Variants in RAD9B observed in about 807,000 individuals in gnomAD.
RAD9B encodes the protein cell cycle checkpoint control protein RAD9B.
In RAD9B, 41 loss-of-function variants were observed where a neutral mutation model predicts 48.3. The observed-to-expected ratio is 0.85, with a 90% CI of 0.66 to 1.10. The LOEUF (loss-of-function observed/expected upper bound fraction) is 1.10. Among genes scored for constraint, RAD9B ranks in the 50% least tolerant of loss-of-function variants. The pLI is 0.00. For missense variants in RAD9B, 444 were observed against 485.1 expected, an observed-to-expected ratio of 0.92 and a Z score of 0.80; for synonymous variants, 160 against 157.9, an observed-to-expected ratio of 1.01 and a Z score of -0.10.
At chr12:110,526,890 C>A (rs1388922776) in intron 10 of RAD9B, among the ~76,000 whole-genome samples, 1 of 141,156 alleles carries the variant, frequency 7.1e-6, no homozygotes, top group African/African-American at 2.7e-5. Flanking sequence ...GCCTAGGCGA[C>A]AGAACGAGAC....
intron 10 of RAD9B, among the ~76,000 whole-genome samples, chr12:110,529,018 G>A (rs895213561): frequency 6.6e-6 from 1 of 151,948 alleles, no homozygotes; most frequent in African/African-American, 2.4e-5. Context: ...GTGAGCTACC[G>A]TGCCGGGCCT....
At chr12:110,502,626 C>T (rs2063117361) in intron 1 of RAD9B, 2 of 517,886 alleles carry the variant, frequency 3.9e-6, no homozygotes, top group Non-Finnish European at 3.5e-6. Context: ...GTTGTACCAT[C>T]GGGCCACAAA....
At chr12:110,502,774 T>C (rs1300392140) in intron 1 of RAD9B, 6 of 168,986 alleles carry the variant, frequency 3.6e-5, no homozygotes, top group Non-Finnish European at 6.4e-5. Context: ...TAAAAATGTA[T>C]GAACTTGGAA....
intron 5 of RAD9B, among the ~76,000 whole-genome samples, chr12:110,514,470 A>G (rs925712005): frequency 1.3e-5 from 2 of 152,238 alleles, no homozygotes; most frequent in Non-Finnish European, 2.9e-5. Flanking sequence ...AACAATTTTC[A>G]ATCTGTGAAT....
intron 5 of RAD9B, among the ~76,000 whole-genome samples, chr12:110,513,869 G>A (rs2063535362): frequency 6.6e-6 from 1 of 151,820 alleles, no homozygotes; most frequent in African/African-American, 2.4e-5. Flanking sequence ...GACTACTAGT[G>A]CAAGCCACCA....
intron 9 of RAD9B, among the ~76,000 whole-genome samples, chr12:110,521,086 A>AGC (rs2063771121): frequency 6.6e-6 from 1 of 152,226 alleles, no homozygotes; most frequent in African/African-American, 2.4e-5. Context: ...ACCCAGAGAT[A>AGC]GCCACTGTAA....
chr12:110,522,395 C>A lies in RAD9B; in HGVS notation c.1109C>A (p.Ser370Tyr), dbSNP rs753692522. ...SVSNTEEVPG[S>Y]LCLRKFSCMF... is the part of the protein sequence containing the mutation. ...AGCAACACAGAGGAAGTGCCAGGGT[C>A]TCTGTGTCTCAGAAAGGTAAAAGCA... The change falls in exon 10 of 11, where the codon TCT (serine) becomes TAT (tyrosine). Residue 370 changes from serine (S) to tyrosine (Y), a missense_variant. By Grantham distance (144) the Ser-to-Tyr change is moderately radical (BLOSUM62 -2). Transcript: ENST00000409300. 6.2e-7 allele frequency: 1 copy of A among 1,608,236 alleles called. No homozygotes were observed. Among genetic ancestry groups the A allele is most frequent in the South Asian group, 1.1e-5 (1 of 89,876 alleles).
intron 6 of RAD9B, among the ~76,000 whole-genome samples, chr12:110,517,751 G>GACACAC (rs34935245): frequency 0.031 from 4,454 of 141,454 alleles, 91 homozygotes; most frequent in South Asian, 0.065. Flanking sequence ...ACAAAACATT[G>GACACAC]ACACACACAC....
chr12:110,531,423 C>T lies in RAD9B; in HGVS notation c.*770C>T, dbSNP rs1289204181. The T allele has an allele frequency of 2.1e-5, 12 of 577,934 alleles. No individual in the cohort carries two copies. In the South Asian group the frequency reaches 2.3e-4, roughly 11 times the overall value. 35.8% of individuals were successfully genotyped at this position (577,934 alleles called of 1,614,324 possible). A position where few individuals can be genotyped will look rare whatever the true frequency, so the allele number is the denominator to read the frequency against. ...GCCAGGGTGGTCTTGAACTCCTGGC[C>T]TCAAGTGATCTGCCCACCTCGGCCT... On this transcript the variant is annotated 3_prime_UTR_variant, in exon 11 of 11. Coordinates refer to ENST00000409300, the MANE Select transcript of RAD9B (RefSeq NM_001286535.2).
rs1003072436 is a variant in RAD9B at position 110,531,755 on chromosome 12, T to G, written c.*1102T>G. 1 of 868,392 alleles carries G rather than the reference T, an allele frequency of 1.2e-6. No homozygotes were observed. 53.8% of individuals were successfully genotyped at this position (868,392 alleles called of 1,614,324 possible). A position where few individuals can be genotyped will look rare whatever the true frequency, so the allele number is the denominator to read the frequency against. On this transcript the variant is annotated 3_prime_UTR_variant, in exon 11 of 11. Coordinates refer to ENST00000409300, the MANE Select transcript of RAD9B (RefSeq NM_001286535.2). ...TTACCTGCACAAATGGACTAAAAAA[T>G]CTGGCACAAAACATTGTTATGTAAT...
At chr12:110,510,319 C>T (rs2063421693) in intron 4 of RAD9B, among the ~76,000 whole-genome samples, 1 of 152,144 alleles carries the variant, frequency 6.6e-6, no homozygotes, top group Non-Finnish European at 1.5e-5. Context: ...TAAAATAGTC[C>T]CTTATGTGGT....
intron 10 of RAD9B, among the ~76,000 whole-genome samples, chr12:110,529,722 C>T (rs1288262692): frequency 1.3e-5 from 2 of 152,078 alleles, no homozygotes; most frequent in Admixed American, 1.3e-4. Context: ...GCAACCTGGG[C>T]AATAGGGCAA....
intron 1 of RAD9B, chr12:110,503,200 C>G (rs990907387): frequency 6.6e-6 from 1 of 152,556 alleles, no homozygotes; most frequent in Non-Finnish European, 1.5e-5. Flanking sequence ...GAGTTGAGCT[C>G]GTGCCACTGC....
chr12:110,508,016 T>A (rs1270838497), intron 4 of RAD9B: 1 of 167,508 alleles, frequency 6.0e-6, no homozygotes, highest in Non-Finnish European at 1.5e-5. Flanking sequence ...TTATAGTCTT[T>A]AAATTGTTTC....
intron 8 of RAD9B, among the ~76,000 whole-genome samples, chr12:110,519,413 TTGTTGTTG>T (rs2063706680): frequency 2.1e-5 from 3 of 145,174 alleles, no homozygotes; most frequent in South Asian, 4.3e-4. Context: ...CTACTGTTTG[TTGTTGTTG>T]TTGTTGTTGT....
At chr12:110,512,935 G>A in intron 5 of RAD9B, 57 bp downstream of exon 5, 1 of 836,024 alleles carries the variant, frequency 1.2e-6, no homozygotes, top group Non-Finnish European at 2.0e-6. Context: ...ATCATGGAGT[G>A]AAGAATCAAT....
chr12:110,522,086 C>T, intron 9 of RAD9B, 91 bp from the exon 10 acceptor site: 1 of 803,920 alleles, frequency 1.2e-6, no homozygotes, highest in East Asian at 2.7e-5. Flanking sequence ...TAATCCAGTG[C>T]TATCATTGTC....
chr12:110,525,292 G>A (rs56188306), intron 10 of RAD9B, among the ~76,000 whole-genome samples: 21,631 of 151,428 alleles, frequency 0.14, 2,114 homozygotes, highest in African/African-American at 0.28. Flanking sequence ...TGTCTGGCCA[G>A]TTTTTGTATT....
intron 5 of RAD9B, among the ~76,000 whole-genome samples, chr12:110,514,637 C>G (rs2063557507): frequency 6.6e-6 from 1 of 152,186 alleles, no homozygotes; most frequent in Non-Finnish European, 1.5e-5. Flanking sequence ...TGCTTAGAAA[C>G]CTCTGCCCCC....
Sources: gnomAD v4.1 joint callset for allele counts (sites outside exome capture counted in the v4.1 genomes callset) on GRCh38, gnomAD v4.1.1 for gene constraint, MANE v1.5 for transcripts, NCBI Gene and HGNC (gene_info 2026-07-23, HGNC 2026-07-21) for gene names.